Variants in CALCR observed in about 807,000 individuals in gnomAD.
CALCR encodes the protein calcitonin receptor.
In CALCR, 47 loss-of-function variants were observed where a neutral mutation model predicts 59.5. That is an observed-to-expected ratio of 0.79 (90% CI 0.63 to 1.01). The LOEUF (loss-of-function observed/expected upper bound fraction) is 1.01, where lower values mean the gene tolerates loss of function less well. Among genes scored for constraint, CALCR ranks in the 50% least tolerant of loss-of-function variants. The pLI is 0.00. For synonymous variants in CALCR, 213 were observed against 211.3 expected (o/e 1.01, Z -0.07); for missense variants, 566 against 597.1 (o/e 0.95, Z 0.54).
At chr7:93,564,349 T>TATTA (rs1789811824) in intron 2 of CALCR, among the ~76,000 whole-genome samples, 1 of 152,152 alleles carries the variant, frequency 6.6e-6, no homozygotes, top group African/African-American at 2.4e-5. Context: ...AGGCAGTGGA[T>TATTA]ATTAAGCTTT....
At chr7:93,468,235 T>A (rs547088561) in intron 7 of CALCR, among the ~76,000 whole-genome samples, 42 of 151,938 alleles carry the variant, frequency 2.8e-4, no homozygotes. Flanking sequence ...TTATTTAAAT[T>A]AGGTTTTGTA....
chr7:93,479,953 A>T (rs1054906729), intron 3 of CALCR, among the ~76,000 whole-genome samples: 1 of 151,900 alleles, frequency 6.6e-6, no homozygotes, highest in African/African-American at 2.4e-5. Context: ...TGATTCTTTC[A>T]GCTAAATTTT....
At chr7:93,540,200 T>G (rs1789095355) in intron 2 of CALCR, among the ~76,000 whole-genome samples, 3 of 152,202 alleles carry the variant, frequency 2.0e-5, no homozygotes, top group African/African-American at 7.2e-5. Flanking sequence ...ATATTGGACC[T>G]GGTGAGTTTT....
rs758842769 is a variant in CALCR at position 93,479,456 on chromosome 7, C to G, written c.103G>C (p.Glu35Gln). 1.2e-5 allele frequency: 19 copies of G among 1,612,192 alleles called. No individual in the cohort carries two copies. The East Asian group carries it at 4.2e-4, about 36-fold the overall frequency. The change falls in exon 4 of 14, where the codon GAG (glutamate) becomes CAG (glutamine). Residue 35 changes from glutamate (E) to glutamine (Q), a missense_variant. Glu to Gln is a conservative substitution (Grantham distance 29). Transcript: ENST00000426151. The stretch of plus-strand genomic sequence containing the variant: ...ACGACGTAAAGAAATGGCTTGGGCT[C>G]TATTGTTGGATAGGTTTGATTTGAA... ...AFSNQTYPTI[E>Q]PKPFLYVVGR...
chr7:93,519,965 T>C (rs1584602737), intron 2 of CALCR, among the ~76,000 whole-genome samples: 1 of 152,060 alleles, frequency 6.6e-6, no homozygotes, highest in East Asian at 1.9e-4. Flanking sequence ...TTACCCAGTC[T>C]TGGGAAATTC....
At chr7:93,545,136 T>C (rs937352539) in intron 2 of CALCR, among the ~76,000 whole-genome samples, 21 of 152,132 alleles carry the variant, frequency 1.4e-4, no homozygotes, top group African/African-American at 5.1e-4. Context: ...TATATGTATC[T>C]TGGCCTACTT....
intron 2 of CALCR, among the ~76,000 whole-genome samples, chr7:93,552,665 C>G (rs1165751903): frequency 6.6e-6 from 1 of 152,114 alleles, no homozygotes; most frequent in Non-Finnish European, 1.5e-5. Context: ...CCCATGTTCT[C>G]TAGAGGTTAG....
chr7:93,540,367 T>C (rs1276137632), intron 2 of CALCR, among the ~76,000 whole-genome samples: 1 of 152,192 alleles, frequency 6.6e-6, no homozygotes, highest in South Asian at 2.1e-4. Flanking sequence ...AACTATTTTG[T>C]GCTGATGCTC....
At chr7:93,437,129 G>A (rs933429356) in intron 11 of CALCR, among the ~76,000 whole-genome samples, 2 of 151,812 alleles carry the variant, frequency 1.3e-5, no homozygotes, top group Admixed American at 1.3e-4. Flanking sequence ...GTCATTCACA[G>A]TGAAGTATGC....
chr7:93,456,021 T>C (rs1800202784), intron 8 of CALCR, among the ~76,000 whole-genome samples: 1 of 152,098 alleles, frequency 6.6e-6, no homozygotes, highest in Non-Finnish European at 1.5e-5. Flanking sequence ...TGCTTGTATA[T>C]GGAGGATTAG....
chr7:93,467,852 T>C (rs1162305464), intron 7 of CALCR, among the ~76,000 whole-genome samples: 1 of 151,574 alleles, frequency 6.6e-6, no homozygotes, highest in Non-Finnish European at 1.5e-5. Flanking sequence ...TTATTATGTG[T>C]CAGACATGAA....
chr7:93,513,996 C>T (rs1801603042), intron 2 of CALCR, among the ~76,000 whole-genome samples: 1 of 151,916 alleles, frequency 6.6e-6, no homozygotes, highest in Admixed American at 6.6e-5. Context: ...GATACATTTG[C>T]AATCCAAGAT....
chr7:93,532,931 C>T (rs1021323503), intron 2 of CALCR, among the ~76,000 whole-genome samples: 3 of 150,388 alleles, frequency 2.0e-5, no homozygotes, highest in East Asian at 1.9e-4. Flanking sequence ...ATAGTACTTG[C>T]CTTCCAGGAT....
rs528854966 is a variant in CALCR, at chr7:93,455,253, C to T, written c.648+5568G>A. ...GTTTTTTTTGAAGAAAACATATGCC[C>T]GAATTACTGACAGATGACATGCTGA... On this transcript the variant is annotated intron_variant, in intron 8 of 13. Transcript: ENST00000426151. Among the ~76,000 whole-genome samples the T allele has an allele frequency of 2.8e-4, 43 of 151,890 alleles. 1 individual carries two copies. The highest frequency in any genetic ancestry group is 1.8e-3 in the Admixed American group (27 of 15,204).
intron 2 of CALCR, among the ~76,000 whole-genome samples, chr7:93,494,290 T>C (rs1348115222): frequency 6.6e-6 from 1 of 151,366 alleles, no homozygotes; most frequent in Non-Finnish European, 1.5e-5. Flanking sequence ...GTTATTAAAA[T>C]GAGGAGCATT....
intron 6 of CALCR, among the ~76,000 whole-genome samples, chr7:93,469,840 C>T (rs1011501304): frequency 3.3e-5 from 5 of 151,098 alleles, no homozygotes; most frequent in Admixed American, 3.3e-4. Flanking sequence ...AGGATGAATA[C>T]CTTCTATGAA....
In CALCR at chr7:93,519,449, T is replaced by C. The variant is rs143333937; in HGVS notation, c.-26-32442A>G. On this transcript the variant is annotated intron_variant, in intron 2 of 13. Coordinates refer to ENST00000426151, the MANE Select transcript of CALCR (RefSeq NM_001742.4). ...CTCTTAGCCTCAGTTTACTCATTTG[T>C]ACAATTAGGTAAATGATAGTCTGTC... 2.0e-3 allele frequency among the ~76,000 whole-genome samples: 312 copies of C among 152,212 alleles called. 1 individual carries two copies. Among genetic ancestry groups the C allele is most frequent in the African/African-American group, 6.6e-3 (274 of 41,558 alleles).
chr7:93,467,516 T>A (rs901538874), intron 7 of CALCR, among the ~76,000 whole-genome samples: 9 of 151,782 alleles, frequency 5.9e-5, no homozygotes, highest in African/African-American at 2.2e-4. Context: ...CTTAGTACTA[T>A]CCTGACAATA....
rs374733980 is a variant in CALCR, at chr7:93,436,196, A to T, written c.931-26T>A. On this transcript the variant is annotated intron_variant, in intron 11 of 13. Transcript: ENST00000426151. Reference sequence around the variant, plus strand: ...CTGCAAATATACGGTGTTATGAGCAAATCATACAGAAAAGTATCACTTAAG... The same window carrying T: ...CTGCAAATATACGGTGTTATGAGCATATCATACAGAAAAGTATCACTTAAG... The T allele has an allele frequency of 7.0e-6, 11 of 1,566,588 alleles. No homozygotes were observed. The African/African-American group carries it at 1.4e-4, about 19-fold the overall frequency.
Sources: allele counts gnomAD v4.1 joint callset (sites outside exome capture counted in the v4.1 genomes callset), GRCh38; gene constraint gnomAD v4.1.1; transcripts MANE v1.5; gene names NCBI Gene and HGNC (gene_info 2026-07-23, HGNC 2026-07-21).